SPTY2D1: variants seen among roughly 807,000 people sequenced by gnomAD.
SPTY2D1 encodes the protein SPT2 chromatin protein domain containing 1, also known as protein SPT2 homolog.
Under a neutral mutation model 64.0 loss-of-function variants are expected in SPTY2D1, and 21 were observed. The observed-to-expected ratio is 0.33, with a 90% confidence interval of 0.23 to 0.47. The LOEUF is 0.47. SPTY2D1 is among the 20% of genes least tolerant of loss of function. The probability of loss-of-function intolerance (pLI) is 1.00; values close to 1 mark genes in which losing one functional copy is unlikely to be tolerated. For missense variants in SPTY2D1, 724 were observed against 837.2 expected (o/e 0.86, Z 1.67); for synonymous variants, 287 against 286.8 (o/e 1.00, Z -0.01).
At chr11:18,620,202 C>T (rs949349789) in intron 1 of SPTY2D1, among the ~76,000 whole-genome samples, 3 of 152,162 alleles carry the variant, frequency 2.0e-5, no homozygotes, top group Admixed American at 6.5e-5. Context: ...TGGCCAGGTG[C>T]GGTGGTTCAC....
intron 1 of SPTY2D1, among the ~76,000 whole-genome samples, chr11:18,631,483 C>T (rs535009983): frequency 5.9e-5 from 9 of 151,480 alleles, no homozygotes; most frequent in African/African-American, 9.7e-5. Flanking sequence ...CTTGAACCTG[C>T]GAGGCGGAGC....
intron 5 of SPTY2D1, chr11:18,610,279 C>A (rs1338072979): frequency 1.4e-5 from 3 of 207,790 alleles, no homozygotes; most frequent in Non-Finnish European, 2.9e-5. Flanking sequence ...TTCTTGTTCT[C>A]TTCCAACACT....
Position 18,623,082 on chromosome 11 carries a change from T to C in SPTY2D1, c.61-6093A>G, listed in dbSNP as rs188933932. On this transcript the variant is annotated intron_variant, in intron 1 of 5. Coordinates refer to ENST00000336349, the MANE Select transcript of SPTY2D1 (RefSeq NM_194285.3). Reference sequence around the variant, plus strand: ...TTACTGATAACATAGTCAATTAACATACATTTTATGAATCCTGATATACTT... The same window carrying C: ...TTACTGATAACATAGTCAATTAACACACATTTTATGAATCCTGATATACTT... Among the ~76,000 whole-genome samples the C allele has an allele frequency of 3.3e-3, 504 of 152,306 alleles. 13 individuals carry two copies. Among genetic ancestry groups the C allele is most frequent in the Admixed American group, 0.029 (449 of 15,300 alleles).
chr11:18,633,139 G>A (rs2134120643), intron 1 of SPTY2D1, among the ~76,000 whole-genome samples: 2 of 95,228 alleles, frequency 2.1e-5, no homozygotes, highest in South Asian at 7.0e-4. Context: ...CATAAATATA[G>A]ACCTTTTTCA....
chr11:18,611,975 G>A (rs1267584289), intron 4 of SPTY2D1, among the ~76,000 whole-genome samples: 2 of 152,158 alleles, frequency 1.3e-5, no homozygotes, highest in Non-Finnish European at 2.9e-5. Flanking sequence ...AAGCAGTTGA[G>A]TTAACAGACT....
chr11:18,615,002 G>A lies in SPTY2D1; in HGVS notation c.1272C>T (p.Pro424=), dbSNP rs201334793. The change falls in exon 3 of 6, where the codon CCC becomes CCT. Residue 424 remains proline, a synonymous_variant. Coordinates refer to ENST00000336349, the MANE Select transcript of SPTY2D1 (RefSeq NM_194285.3). ...GSKKPTNDSN[P]SRRTVSGTCG... is the part of the protein sequence containing the mutation. ...ATGTACCACTGACTGTCCGCCTAGA[G>A]GGATTTGAGTCATTGGTTGGCTTCT... 128 of 1,614,086 alleles carry A rather than the reference G, an allele frequency of 7.9e-5. No homozygotes were observed. Among genetic ancestry groups the A allele is most frequent in the Admixed American group, 3.3e-4 (20 of 60,006 alleles).
intron 1 of SPTY2D1, among the ~76,000 whole-genome samples, chr11:18,621,970 C>A (rs1321616951): frequency 6.6e-6 from 1 of 151,378 alleles, no homozygotes; most frequent in East Asian, 1.9e-4. Flanking sequence ...GCCTGTGGTC[C>A]CAGCTACTCG....
chr11:18,608,770 C>T lies in SPTY2D1; in HGVS notation c.*1091G>A, dbSNP rs1854146964. 1 of 152,592 alleles carries T rather than the reference C, an allele frequency of 6.6e-6. No individual in the cohort carries two copies. The highest frequency in any genetic ancestry group is 1.5e-5 in the Non-Finnish European group (1 of 68,032). The allele number at this position is 152,592 out of a possible 1,614,324, so 9.5% of individuals were successfully genotyped here. A position where few individuals can be genotyped will look rare whatever the true frequency, so the allele number is the denominator to read the frequency against. On this transcript the variant is annotated 3_prime_UTR_variant, in exon 6 of 6. Coordinates refer to ENST00000336349, the MANE Select transcript of SPTY2D1 (RefSeq NM_194285.3). ...AAAATAACGATAACAGGGAACATCC[C>T]TTCCTACCTGGGGAAAAAAATCTCT...
chr11:18,631,944 A>G (rs1310664169), intron 1 of SPTY2D1, among the ~76,000 whole-genome samples: 3 of 152,136 alleles, frequency 2.0e-5, no homozygotes, highest in Non-Finnish European at 4.4e-5. Context: ...GAAGGAGTTC[A>G]AGACCAGCCT....
In SPTY2D1 at chr11:18,629,883, A is replaced by C. The variant is rs374192274; in HGVS notation, c.60+4315T>G. 1.2e-4 allele frequency among the ~76,000 whole-genome samples: 19 copies of C among 152,322 alleles called. No individual in the cohort carries two copies. In the South Asian group the frequency reaches 2.9e-3, roughly 23 times the overall value. ...ATACAATAGGTAGCTTTAAAAAATA[A>C]AGCTCTGCCGGGCACGGTGGCTCAC... On this transcript the variant is annotated intron_variant, in intron 1 of 5. Transcript: ENST00000336349.
rs1291147975 is a variant in SPTY2D1, at chr11:18,615,207, A to T, written c.1067T>A (p.Met356Lys). The T allele has an allele frequency of 6.2e-7, 1 of 1,614,074 alleles. No homozygotes were observed. Among genetic ancestry groups the T allele is most frequent in the Non-Finnish European group, 8.5e-7 (1 of 1,180,046 alleles). ...SHPSHSRPGPMVTPHNKAKSP... is the reference protein window; with the variant it reads ...SHPSHSRPGPKVTPHNKAKSP... ...CTTAGCCTTATTGTGTGGGGTGACCATGGGCCCAGGCCTGGAATGGCTAGG... is the reference window on the plus strand; with the variant it reads ...CTTAGCCTTATTGTGTGGGGTGACCTTGGGCCCAGGCCTGGAATGGCTAGG... Residue 356 changes from methionine (M) to lysine (K), a missense_variant, in exon 3 of 6, where the codon ATG becomes AAG. Met to Lys is a moderately conservative substitution (Grantham distance 95). Transcript: ENST00000336349.
chr11:18,621,361 A>AAAAGAAAAGAAAAGT (rs1854396796), intron 1 of SPTY2D1, among the ~76,000 whole-genome samples: 1 of 150,890 alleles, frequency 6.6e-6, no homozygotes, highest in African/African-American at 2.5e-5. Context: ...AAAAGAAAAG[A>AAAAGAAAAGAAAAGT]AAAGAAAAGA....
intron 1 of SPTY2D1, among the ~76,000 whole-genome samples, chr11:18,625,069 T>C (rs556133109): frequency 7.9e-5 from 12 of 152,356 alleles, no homozygotes; most frequent in Non-Finnish European, 8.8e-5. Context: ...GTTTCGACTG[T>C]AGAAAATATA....
intron 3 of SPTY2D1, 77 bp downstream of exon 3, chr11:18,614,486 G>A (rs1055232535): frequency 7.2e-7 from 1 of 1,392,736 alleles, no homozygotes; most frequent in African/African-American, 1.4e-5. Flanking sequence ...GGGTTCAAAG[G>A]GTCCCTGATA....
At chr11:18,611,106 A>G (rs1854199040) in intron 5 of SPTY2D1, among the ~76,000 whole-genome samples, 3 of 152,158 alleles carry the variant, frequency 2.0e-5, no homozygotes, top group Non-Finnish European at 2.9e-5. Context: ...ACCAGCCTGG[A>G]TAACAAAGCA....
At chr11:18,622,154 T>C (rs775070879) in intron 1 of SPTY2D1, among the ~76,000 whole-genome samples, 3 of 137,736 alleles carry the variant, frequency 2.2e-5, no homozygotes, top group Admixed American at 7.3e-5. Context: ...CAATAAGATA[T>C]TAAAACACTC....
intron 1 of SPTY2D1, among the ~76,000 whole-genome samples, chr11:18,624,267 A>G (rs1190617278): frequency 2.0e-5 from 3 of 152,156 alleles, no homozygotes; most frequent in African/African-American, 7.2e-5. Context: ...ATAACCCAGA[A>G]GAACTATTTG....
Position 18,634,319 on chromosome 11 carries a change from C to A in SPTY2D1, c.-62G>T. Reference sequence around the variant, plus strand: ...GGAAAGGACTGACAGCGCACCTAACCGAGGCGCCCAGCTACAGCCAACTGC... The same window carrying A: ...GGAAAGGACTGACAGCGCACCTAACAGAGGCGCCCAGCTACAGCCAACTGC... On this transcript the variant is annotated 5_prime_UTR_variant, in exon 1 of 6. Transcript: ENST00000336349. 1.3e-6 allele frequency: 2 copies of A among 1,581,056 alleles called. No homozygotes were observed. The highest frequency in any genetic ancestry group is 1.1e-5 in the South Asian group (1 of 90,420).
At position 18,615,007 on chromosome 11, in the gene SPTY2D1, T is replaced by G. The variant is rs367661545; in HGVS notation, c.1267A>C (p.Asn423His). The G allele has an allele frequency of 4.3e-6, 7 of 1,614,048 alleles. No homozygotes were observed. The highest frequency in any genetic ancestry group is 4.0e-5 in the African/African-American group (3 of 74,938). The change falls in exon 3 of 6, where the codon AAT (asparagine) becomes CAT (histidine). Residue 423 changes from asparagine to histidine, a missense_variant. Around this residue, in one of 3 missense-constraint regions of SPTY2D1, gnomAD observed 426 missense variants for 431.8 expected, o/e 0.99. Coordinates refer to ENST00000336349, the MANE Select transcript of SPTY2D1 (RefSeq NM_194285.3). Reference protein sequence around the residue: ...SGSKKPTNDSNPSRRTVSGTC... With the variant: ...SGSKKPTNDSHPSRRTVSGTC... Reference sequence around the variant, plus strand: ...CCACTGACTGTCCGCCTAGAGGGATTTGAGTCATTGGTTGGCTTCTTGGAC... The same window carrying G: ...CCACTGACTGTCCGCCTAGAGGGATGTGAGTCATTGGTTGGCTTCTTGGAC...
Sources: gnomAD v4.1 joint callset for allele counts (sites outside exome capture counted in the v4.1 genomes callset) on GRCh38, gnomAD v4.1.1 for gene constraint, gnomAD v4.1.1 regional missense constraint, MANE v1.5 for transcripts, NCBI Gene and HGNC (gene_info 2026-07-23, HGNC 2026-07-21) for gene names.